USP32: variants seen among roughly 807,000 people sequenced by gnomAD.
USP32 encodes ubiquitin specific peptidase 32.
USP32 carries 59 observed loss-of-function variants against 204.8 expected under a neutral mutation model. That is an observed-to-expected ratio of 0.29 (90% CI 0.23 to 0.36). The LOEUF is 0.36. Ranked by LOEUF, USP32 falls within the 10% of genes least tolerant of loss-of-function variation. The pLI, the probability that USP32 is intolerant of heterozygous loss-of-function variation, is 1.00. For missense variants in USP32, 1,160 were observed against 1,946.4 expected (o/e 0.60, Z 7.60); for synonymous variants, 517 against 678.4 (o/e 0.76, Z 3.70).
intron 11 of USP32, among the ~76,000 whole-genome samples, chr17:60,242,083 T>G (rs2085892268): frequency 6.6e-6 from 1 of 152,228 alleles, no homozygotes; most frequent in African/African-American, 2.4e-5. Flanking sequence ...TCTGTTTGTG[T>G]ATGGATATCC....
chr17:60,344,903 A>T (rs2088749486), intron 2 of USP32, among the ~76,000 whole-genome samples: 1 of 152,176 alleles, frequency 6.6e-6, no homozygotes, highest in Non-Finnish European at 1.5e-5. Flanking sequence ...GGCTTAAGCA[A>T]GCCTCCTATT....
rs552515569 is a variant in USP32, at chr17:60,212,564, C to T, written c.2105-466G>A. On this transcript the variant is annotated intron_variant, in intron 18 of 33. Coordinates refer to ENST00000300896, the MANE Select transcript of USP32 (RefSeq NM_032582.4). ...CCTGTAATTGGCTCTAAAACCATTC[C>T]TACTCTTCATATTGAGGACTTTAAA... Among the ~76,000 whole-genome samples the T allele has an allele frequency of 6.6e-5, 10 of 151,880 alleles. No individual in the cohort carries two copies. The East Asian group carries it at 1.2e-3, about 18-fold the overall frequency.
rs1029553807 is a variant in USP32, at chr17:60,369,150, A to G, written c.58+22732T>C. Among the ~76,000 whole-genome samples, 3 of 142,454 alleles carry G rather than the reference A, an allele frequency of 2.1e-5. 1 individual carries two copies. The highest frequency in any genetic ancestry group is 5.9e-5 in the African/African-American group (2 of 33,742). The allele number at this position is 142,454 out of a possible 152,430, so 93.5% of individuals were successfully genotyped here. A position where few individuals can be genotyped will look rare whatever the true frequency, so the allele number is the denominator to read the frequency against. ...GCTGGGACTACAGGCGCCCGCCACTACGCCCGGCTAATTTTTTGTATTTTT... is the reference window on the plus strand; with the variant it reads ...GCTGGGACTACAGGCGCCCGCCACTGCGCCCGGCTAATTTTTTGTATTTTT... On this transcript the variant is annotated intron_variant, in intron 1 of 33. Coordinates refer to ENST00000300896, the MANE Select transcript of USP32 (RefSeq NM_032582.4).
intron 9 of USP32, among the ~76,000 whole-genome samples, chr17:60,264,115 T>C (rs2086524758): frequency 6.6e-6 from 1 of 152,154 alleles, no homozygotes; most frequent in Non-Finnish European, 1.5e-5. Context: ...CCAAACTAAA[T>C]AAGTCAAGGA....
At chr17:60,248,650 T>C (rs919431741) in intron 11 of USP32, among the ~76,000 whole-genome samples, 1 of 152,356 alleles carries the variant, frequency 6.6e-6, no homozygotes, top group Admixed American at 6.5e-5. Flanking sequence ...TTTGATTCTG[T>C]TTTAAATTTT....
chr17:60,264,417 C>T (rs1289304064), intron 9 of USP32, among the ~76,000 whole-genome samples: 1 of 151,596 alleles, frequency 6.6e-6, no homozygotes, highest in Non-Finnish European at 1.5e-5. Flanking sequence ...ACTCGAAAGG[C>T]TGAGGCAGGA....
chr17:60,290,035 G>C (rs1457603527), intron 4 of USP32, among the ~76,000 whole-genome samples: 1 of 152,180 alleles, frequency 6.6e-6, no homozygotes, highest in Non-Finnish European at 1.5e-5. Flanking sequence ...TGGTGTGAAA[G>C]TGGATCATAC....
intron 4 of USP32, among the ~76,000 whole-genome samples, chr17:60,289,361 T>C (rs1211074746): frequency 6.6e-6 from 1 of 152,318 alleles, no homozygotes; most frequent in South Asian, 2.1e-4. Flanking sequence ...GCCTTATCCC[T>C]CTTCTTTAGC....
At chr17:60,255,546 C>T (rs1045062068) in intron 9 of USP32, among the ~76,000 whole-genome samples, 21 of 152,138 alleles carry the variant, frequency 1.4e-4, no homozygotes, top group African/African-American at 4.3e-4. Flanking sequence ...GATCCATCCG[C>T]CTTGGCCTCC....
chr17:60,342,888 GCAACGCCCCAC>G (rs2145996415), intron 2 of USP32, among the ~76,000 whole-genome samples: 1 of 152,288 alleles, frequency 6.6e-6, no homozygotes, highest in African/African-American at 2.4e-5. Context: ...CCTGGGTGAG[GCAACGCCCCAC>G]CCTGCTTCAC....
intron 3 of USP32, among the ~76,000 whole-genome samples, chr17:60,300,359 C>A (rs1199075757): frequency 6.6e-6 from 1 of 150,674 alleles, no homozygotes; most frequent in East Asian, 1.9e-4. Context: ...GTAAATAAAT[C>A]TATATCCCAC....
intron 1 of USP32, among the ~76,000 whole-genome samples, chr17:60,406,164 A>G (rs1429731479): frequency 1.3e-5 from 2 of 151,556 alleles, no homozygotes; most frequent in Non-Finnish European, 2.9e-5. Flanking sequence ...CTCAAAAAAA[A>G]AAAAAAAAAA....
chr17:60,193,331 C>T (rs1169442527), intron 27 of USP32, among the ~76,000 whole-genome samples: 1 of 152,140 alleles, frequency 6.6e-6, no homozygotes, highest in Non-Finnish European at 1.5e-5. Flanking sequence ...TTGCAGAAAG[C>T]TGTATATTTA....
At chr17:60,377,017 C>G (rs2089558183) in intron 1 of USP32, among the ~76,000 whole-genome samples, 1 of 152,106 alleles carries the variant, frequency 6.6e-6, no homozygotes. Context: ...TTTTGATATC[C>G]AAAGGGCTAC....
chr17:60,397,328 G>A (rs73322618), intron 1 of USP32, among the ~76,000 whole-genome samples: 7 of 152,230 alleles, frequency 4.6e-5, no homozygotes, highest in African/African-American at 1.7e-4. Context: ...TTCATCTTGT[G>A]GATGAGAGAT....
At chr17:60,255,955 G>T (rs185653319) in intron 9 of USP32, among the ~76,000 whole-genome samples, 1 of 152,144 alleles carries the variant, frequency 6.6e-6, no homozygotes, top group Non-Finnish European at 1.5e-5. Context: ...TACACATATT[G>T]TTCTCTAAAG....
chr17:60,328,605 G>A (rs2088302524), intron 2 of USP32, among the ~76,000 whole-genome samples: 1 of 152,220 alleles, frequency 6.6e-6, no homozygotes, highest in Non-Finnish European at 1.5e-5. Context: ...AACATAAACA[G>A]AGCTGAAACA....
chr17:60,286,304 G>A (rs1296798339), intron 5 of USP32, among the ~76,000 whole-genome samples: 1 of 152,158 alleles, frequency 6.6e-6, no homozygotes, highest in African/African-American at 2.4e-5. Context: ...TGGAAATAGG[G>A]TCTTTGCGGA....
chr17:60,413,839 T>A (rs2090037390), intron 1 of USP32, among the ~76,000 whole-genome samples: 1 of 122,744 alleles, frequency 8.1e-6, no homozygotes, highest in South Asian at 2.5e-4. Flanking sequence ...CACTCCAGCC[T>A]GGCGACAGCT....
Sources: allele counts gnomAD v4.1 joint callset (sites outside exome capture counted in the v4.1 genomes callset), GRCh38; gene constraint gnomAD v4.1.1; transcripts MANE v1.5; gene names NCBI Gene and HGNC (gene_info 2026-07-23, HGNC 2026-07-21).